FHIT: variants seen among roughly 807,000 people sequenced by gnomAD.
FHIT encodes the protein bis(5'-adenosyl)-triphosphatase.
A neutral mutation model predicts 17.9 loss-of-function variants in FHIT; 19 were observed. The ratio of observed to expected loss-of-function variants is 1.06; its 90% CI spans 0.74 to 1.56. FHIT has a LOEUF of 1.56. Ranked by LOEUF, FHIT falls within the 40% of genes most tolerant of loss-of-function variation. The pLI, the probability that FHIT is intolerant of heterozygous loss-of-function variation, is 0.00. For missense variants in FHIT, 248 were observed against 189.2 expected (o/e 1.31, Z -1.82); for synonymous variants, 81 against 69.7 (o/e 1.16, Z -0.81).
chr3:60,702,596 G>C (rs79537942), intron 4 of FHIT, among the ~76,000 whole-genome samples: 2 of 151,162 alleles, frequency 1.3e-5, no homozygotes, highest in African/African-American at 4.9e-5. Flanking sequence ...TATTTATTTT[G>C]TGATCATCCA....
chr3:61,099,445 GA>G (rs2035749698), intron 2 of FHIT, among the ~76,000 whole-genome samples: 1 of 152,130 alleles, frequency 6.6e-6, no homozygotes, highest in African/African-American at 2.4e-5. Context: ...ATGAGTTAGG[GA>G]GGAGTCCCTC....
At position 59,868,101 on chromosome 3, in the gene FHIT, C is replaced by T. The variant is rs114082094; in HGVS notation, c.348+54245G>A. The stretch of plus-strand genomic sequence containing the variant: ...GTGTTTTGCCAGAATAAAGACTGAA[C>T]ATGGCCCTAGCGGAAGAGCTAAATT... On this transcript the variant is annotated intron_variant, in intron 8 of 9. Coordinates refer to ENST00000492590, the MANE Select transcript of FHIT (RefSeq NM_002012.4). Among the ~76,000 whole-genome samples the T allele has an allele frequency of 2.4e-3, 304 of 124,742 alleles. 1 individual carries two copies. Among genetic ancestry groups the T allele is most frequent in the African/African-American group, 9.1e-3 (294 of 32,338 alleles). 81.8% of individuals were successfully genotyped at this position (124,742 alleles called of 152,430 possible). A position where few individuals can be genotyped will look rare whatever the true frequency, so the allele number is the denominator to read the frequency against.
chr3:60,758,964 A>G (rs1177989476), intron 4 of FHIT, among the ~76,000 whole-genome samples: 1 of 152,184 alleles, frequency 6.6e-6, no homozygotes, highest in South Asian at 2.1e-4. Context: ...CTAAAGGAAA[A>G]GATGAAGCAA....
rs112314782 is a variant in FHIT, at chr3:60,842,760, G to A, written c.-110-20749C>T. ...AGTTAATGTGGGCAAGATATCTAAA[G>A]GAGAAATCATTAGCTTAAGCTATCC... On this transcript the variant is annotated intron_variant, in intron 3 of 9. Transcript: ENST00000492590. 4.8e-4 allele frequency among the ~76,000 whole-genome samples: 72 copies of A among 150,804 alleles called. 1 individual carries two copies. Among genetic ancestry groups the A allele is most frequent in the Middle Eastern group, 3.5e-3 (1 of 286 alleles).
At chr3:60,080,074 C>A (rs572212116) in intron 5 of FHIT, among the ~76,000 whole-genome samples, 2 of 152,098 alleles carry the variant, frequency 1.3e-5, no homozygotes, top group East Asian at 1.9e-4. Context: ...AAAAAAATAT[C>A]TTTTCTATTT....
chr3:60,847,844 C>A (rs1435958255), intron 3 of FHIT, among the ~76,000 whole-genome samples: 1 of 152,150 alleles, frequency 6.6e-6, no homozygotes, highest in African/African-American at 2.4e-5. Context: ...CCCGTATGAA[C>A]TCCCTCCAGG....
At chr3:59,858,716 T>C (rs933494256) in intron 8 of FHIT, among the ~76,000 whole-genome samples, 1 of 151,852 alleles carries the variant, frequency 6.6e-6, no homozygotes, top group Non-Finnish European at 1.5e-5. Context: ...GAGGATGAGA[T>C]GTACGCAGGT....
chr3:60,100,833 A>G (rs1704161184), intron 5 of FHIT, among the ~76,000 whole-genome samples: 1 of 139,792 alleles, frequency 7.2e-6, no homozygotes, highest in Non-Finnish European at 1.7e-5. Context: ...AGAGACCAAC[A>G]TCTCCTTGTT....
intron 5 of FHIT, among the ~76,000 whole-genome samples, chr3:60,247,457 A>G (rs554173099): frequency 3.9e-5 from 6 of 152,126 alleles, no homozygotes; most frequent in Admixed American, 2.6e-4. Flanking sequence ...AAGAAGAAGA[A>G]GAAAAGAAAC....
chr3:60,532,858 T>C (rs2035837455), intron 5 of FHIT, among the ~76,000 whole-genome samples: 1 of 152,162 alleles, frequency 6.6e-6, no homozygotes, highest in South Asian at 2.1e-4. Flanking sequence ...AAATAAGTGT[T>C]GGTGAGGGGC....
intron 5 of FHIT, among the ~76,000 whole-genome samples, chr3:60,014,661 TAA>T (rs1477477788): frequency 1.3e-5 from 2 of 152,200 alleles, no homozygotes; most frequent in Non-Finnish European, 2.9e-5. Context: ...ATTTTATTTT[TAA>T]AAGAGTATAG....
intron 2 of FHIT, among the ~76,000 whole-genome samples, chr3:61,158,724 C>T (rs2037603582): frequency 6.6e-6 from 1 of 152,184 alleles, no homozygotes. Context: ...AAGTTCACTA[C>T]AGCAATAGGA....
intron 4 of FHIT, among the ~76,000 whole-genome samples, chr3:60,709,372 A>G (rs2041457266): frequency 6.6e-6 from 1 of 152,082 alleles, no homozygotes; most frequent in Non-Finnish European, 1.5e-5. Flanking sequence ...TGCCAAGAAA[A>G]TCTAGAAGGA....
chr3:60,212,787 G>A (rs374576745), intron 5 of FHIT, among the ~76,000 whole-genome samples: 1 of 152,126 alleles, frequency 6.6e-6, no homozygotes, highest in African/African-American at 2.4e-5. Context: ...AAGATGAAAT[G>A]GAAGATGTGA....
chr3:60,696,757 T>C (rs953759990), intron 4 of FHIT, among the ~76,000 whole-genome samples: 6 of 152,112 alleles, frequency 3.9e-5, no homozygotes, highest in Non-Finnish European at 8.8e-5. Context: ...ACATGAATAA[T>C]AAATCAAAAG....
At chr3:60,092,752 T>C (rs1422559206) in intron 5 of FHIT, among the ~76,000 whole-genome samples, 1 of 152,094 alleles carries the variant, frequency 6.6e-6, no homozygotes, top group East Asian at 1.9e-4. Context: ...ATAAAAATAA[T>C]AACAATAATG....
intron 3 of FHIT, among the ~76,000 whole-genome samples, chr3:60,865,641 C>G (rs1228922456): frequency 2.0e-5 from 3 of 151,992 alleles, no homozygotes; most frequent in Admixed American, 2.0e-4. Context: ...GTATTAGGCC[C>G]CAGCTCTGTC....
intron 4 of FHIT, among the ~76,000 whole-genome samples, chr3:60,615,982 T>C (rs2038939435): frequency 6.6e-6 from 1 of 152,226 alleles, no homozygotes; most frequent in Non-Finnish European, 1.5e-5. Context: ...TCCTCATTGC[T>C]GTACATTGAG....
chr3:59,790,206 C>T (rs1699489502), intron 8 of FHIT, among the ~76,000 whole-genome samples: 1 of 152,180 alleles, frequency 6.6e-6, no homozygotes, highest in Non-Finnish European at 1.5e-5. Context: ...AGCAGCATTT[C>T]CAGATTTCCT....
Sources: allele counts gnomAD v4.1 joint callset (sites outside exome capture counted in the v4.1 genomes callset), GRCh38; gene constraint gnomAD v4.1.1; transcripts MANE v1.5; gene names NCBI Gene and HGNC (gene_info 2026-07-23, HGNC 2026-07-21).